Variants in ZP2 observed in about 807,000 individuals in gnomAD.
The protein encoded by ZP2 is zona pellucida sperm-binding protein 2.
A neutral mutation model predicts 84.0 loss-of-function variants in ZP2; 51 were observed. The ratio of observed to expected loss-of-function variants is 0.61; its 90% confidence interval spans 0.49 to 0.77. ZP2 has a LOEUF of 0.77. ZP2 is among the 30% of genes least tolerant of loss of function. The probability of loss-of-function intolerance (pLI) is 0.00; values close to 1 mark genes in which losing one functional copy is unlikely to be tolerated. For synonymous variants in ZP2, 375 were observed against 330.9 expected, an observed-to-expected ratio of 1.13 and a Z score of -1.45; for missense variants, 909 against 911.9, an observed-to-expected ratio of 1.00 and a Z score of 0.04.
upstream of ZP2, among the ~76,000 whole-genome samples, chr16:21,212,835 T>C (rs1323875601): frequency 6.6e-6 from 1 of 152,224 alleles, no homozygotes; most frequent in Non-Finnish European, 1.5e-5. Flanking sequence ...GCCCCAACAA[T>C]GTCAGGGACC....
chr16:21,198,972 T>C lies in ZP2; in HGVS notation c.1928-110A>G. ...TCTCTGGAGTATTTTGTTCATGTGG[T>C]TTGTCTTGCCTTTGCAGGCGAGGTT... On this transcript the variant is annotated intron_variant, in intron 16 of 18. Transcript: ENST00000574091. The C allele has an allele frequency of 2.9e-6, 3 of 1,030,328 alleles. No individual in the cohort carries two copies. The South Asian group carries it at 4.1e-5, about 14-fold the overall frequency. 63.8% of individuals were successfully genotyped at this position (1,030,328 alleles called of 1,614,324 possible). A position where few individuals can be genotyped will look rare whatever the true frequency, so the allele number is the denominator to read the frequency against.
chr16:21,203,048 C>T, intron 10 of ZP2, 77 bp downstream of exon 10: 2 of 1,535,124 alleles, frequency 1.3e-6, no homozygotes, highest in Non-Finnish European at 1.8e-6. Flanking sequence ...AGAATCTGAC[C>T]TTCTATACAT....
intron 11 of ZP2, 21 bp from the exon 12 acceptor site, chr16:21,202,044 G>A (rs2093228252): frequency 3.1e-6 from 5 of 1,613,556 alleles, no homozygotes; most frequent in Non-Finnish European, 4.2e-6. Context: ...AGAGAAAGTG[G>A]GTTAGCAGCC....
Position 21,201,836 on chromosome 16 carries a change from A to C in ZP2, c.1380-6T>G. 6.2e-7 allele frequency: 1 copy of C among 1,614,020 alleles called. No individual in the cohort carries two copies. Among genetic ancestry groups the C allele is most frequent in the Non-Finnish European group, 8.5e-7 (1 of 1,179,928 alleles). On this transcript the variant is annotated splice_region_variant and splice_polypyrimidine_tract_variant and intron_variant, in intron 12 of 18. Transcript: ENST00000574091. ...AAGAACACTTCACTGTCATTCTGTA[A>C]GAGTTTGGAGGGAAGGTAGGTACAG... is the stretch of plus-strand genomic sequence containing the variant.
At position 21,199,812 on chromosome 16, in the gene ZP2, A is replaced by G. The variant is rs970682123; in HGVS notation, c.1761T>C (p.Pro587=). ...FHPVGSSVTH[P]DHYQRFDMKA... ...TCATGTCAAACCTCTGATAGTGATC[A>G]GGATGGGTCACAGAGGAGCCGACTG... The change falls in exon 15 of 19, where the codon CCT becomes CCC. Residue 587 remains proline (P), a synonymous_variant. Coordinates refer to ENST00000574091, the MANE Select transcript of ZP2 (RefSeq NM_001376232.1). 8.7e-6 allele frequency: 14 copies of G among 1,613,796 alleles called. No individual in the cohort carries two copies. The African/African-American group carries it at 1.9e-4, about 22-fold the overall frequency.
At chr16:21,211,778 G>A, upstream of ZP2, 1 of 1,447,562 alleles carries the variant, frequency 6.9e-7, no homozygotes, top group South Asian at 1.4e-5. Context: ...AGAGTTTGCT[G>A]AAATCAGCTC....
chr16:21,201,877 A>G, intron 12 of ZP2, 47 bp from the exon 13 acceptor site: 1 of 1,612,816 alleles, frequency 6.2e-7, no homozygotes. Flanking sequence ...TTCAGGTTAA[A>G]AAATTGCTTG....
rs375240682 is a variant in ZP2, at chr16:21,205,556, A to G, written c.557T>C (p.Ile186Thr). 8.1e-6 allele frequency: 13 copies of G among 1,613,954 alleles called. No individual in the cohort carries two copies. Among genetic ancestry groups the G allele is most frequent in the East Asian group, 2.2e-5 (1 of 44,882 alleles). The change falls in exon 7 of 19, where the codon ATT (isoleucine) becomes ACT (threonine). Residue 186 changes from isoleucine to threonine, a missense_variant. Coordinates refer to ENST00000574091, the MANE Select transcript of ZP2 (RefSeq NM_001376232.1). ...GGCTCTTGCACCATCACCAACCTCA[A>G]TGCTCCATCCCATCTGAACTTTGGT... Reference protein sequence around the residue: ...KGTKVQMGWSIEVGDGARAKT... With the variant: ...KGTKVQMGWSTEVGDGARAKT...
intron 3 of ZP2, 70 bp from the exon 4 acceptor site, chr16:21,209,795 C>A: frequency 7.4e-7 from 1 of 1,346,180 alleles, no homozygotes; most frequent in South Asian, 1.2e-5. Context: ...GCTATAGAGT[C>A]AAGACCACCA....
chr16:21,202,006 G>T lies in ZP2; in HGVS notation c.1305C>A (p.Val435=), dbSNP rs768429680. 9.9e-6 allele frequency: 16 copies of T among 1,613,958 alleles called. No homozygotes were observed. The highest frequency in any genetic ancestry group is 3.3e-5 in the South Asian group (3 of 90,980). Residue 435 remains valine, a synonymous_variant, in exon 12 of 19, where the codon GTC becomes GTA. Transcript: ENST00000574091. ...GAGCATGTATTTCGTTTTCATAGAC[G>T]ACTTTATCATCTTCGAACTTAAATG... ...GTRYKFEDDK[V]VYENEIHALW...
rs1276291318 is a variant in ZP2, at chr16:21,203,173, A to T, written c.1051T>A (p.Ser351Thr). The stretch of plus-strand genomic sequence containing the variant: ...AGACACTCAGGATAGATCACCATGG[A>T]TACTGTCTCTGGCCGAAGGAGAAAG... ...LTFLLRPETV[S>T]MVIYPECLCE... is the part of the protein sequence containing the mutation. Residue 351 changes from serine (S) to threonine (T), a missense_variant, in exon 10 of 19, where the codon TCC becomes ACC. Transcript: ENST00000574091. 2 of 1,614,020 alleles carry T rather than the reference A, an allele frequency of 1.2e-6. No individual in the cohort carries two copies. The highest frequency in any genetic ancestry group is 1.7e-6 in the Non-Finnish European group (2 of 1,179,926).
In ZP2 at chr16:21,202,200, C is replaced by G; in HGVS notation, c.1191G>C (p.Arg397Ser). The G allele has an allele frequency of 1.3e-6, 2 of 1,591,686 alleles. No individual in the cohort carries two copies. Among genetic ancestry groups the G allele is most frequent in the Non-Finnish European group, 1.7e-6 (2 of 1,174,490 alleles). ...CAGGCTGGCAGGATGAGTTTCCCAC[C>G]CTCAGAGTACCCAGGTCAAGAGCTG... Reference protein sequence around the residue: ...TQPALDLGTLRVGNSSCQPVF... With the variant: ...TQPALDLGTLSVGNSSCQPVF... Residue 397 changes from arginine to serine, a missense_variant, in exon 11 of 19, where the codon AGG becomes AGC. Physicochemically the swap from Arg to Ser is moderately radical, Grantham distance 110. Transcript: ENST00000574091.
rs762084122 is a variant in ZP2, at chr16:21,203,297, CG to C, written c.973-47del. Reference sequence around the variant, plus strand: ...TTAGCAGCCACAGTCCGTTGGGGCCCGGAACCGTCACAGGGAGGCAGGAAGC... The same window carrying C: ...TTAGCAGCCACAGTCCGTTGGGGCCCGAACCGTCACAGGGAGGCAGGAAGC... On this transcript the variant is annotated intron_variant, in intron 9 of 18. Coordinates refer to ENST00000574091, the MANE Select transcript of ZP2 (RefSeq NM_001376232.1). 19 of 1,606,134 alleles carry C rather than the reference CG, an allele frequency of 1.2e-5. No homozygotes were observed. The Admixed American group carries it at 1.3e-4, about 11-fold the overall frequency.
At chr16:21,207,151 G>A (rs1046825238) in intron 4 of ZP2, among the ~76,000 whole-genome samples, 161 bp from the exon 5 acceptor site, 2 of 152,188 alleles carry the variant, frequency 1.3e-5, no homozygotes, top group Admixed American at 1.3e-4. Context: ...CTAGCCCATT[G>A]TAATCTGTTA....
At chr16:21,201,171 C>T (rs2093223063) in intron 14 of ZP2, among the ~76,000 whole-genome samples, 198 bp downstream of exon 14, 1 of 151,498 alleles carries the variant, frequency 6.6e-6, no homozygotes, top group Admixed American at 6.6e-5. Context: ...AGCACCCCAA[C>T]CTGGGTGACA....
At chr16:21,200,904 G>T (rs928216440) in intron 14 of ZP2, among the ~76,000 whole-genome samples, 2 of 152,152 alleles carry the variant, frequency 1.3e-5, no homozygotes, top group Non-Finnish European at 2.9e-5. Flanking sequence ...GAGGTGATTG[G>T]AAGGCAGCAT....
intron 10 of ZP2, 119 bp downstream of exon 10, chr16:21,203,006 C>G: frequency 8.0e-7 from 1 of 1,243,336 alleles, no homozygotes; most frequent in Non-Finnish European, 1.1e-6. Flanking sequence ...TCTGACTAGT[C>G]TTTAGTTTCT....
rs780716575 is a variant in ZP2, at chr16:21,199,802, GAT to G, written c.1769_1770del (p.Tyr590SerfsTer4). 6.2e-7 allele frequency: 1 copy of G among 1,614,016 alleles called. No homozygotes were observed. The highest frequency in any genetic ancestry group is 8.5e-7 in the Non-Finnish European group (1 of 1,180,022). ...GCAAAAGCCTTCATGTCAAACCTCT[GAT>G]AGTGATCAGGATGGGTCACAGAGGA... is the stretch of plus-strand genomic sequence containing the variant. ...VGSSVTHPDH[Y>X]QRFDMKAFAF... On this transcript the variant is annotated frameshift_variant, in exon 15 of 19. Coordinates refer to ENST00000574091, the MANE Select transcript of ZP2 (RefSeq NM_001376232.1). LOFTEE classifies it high-confidence loss of function.
chr16:21,202,056 G>A (rs370202300), intron 11 of ZP2, 33 bp from the exon 12 acceptor site: 222 of 1,613,484 alleles, frequency 1.4e-4, no homozygotes, highest in Non-Finnish European at 1.8e-4. Context: ...TTAGCAGCCA[G>A]TTATGTCAAA....
Sources: allele counts gnomAD v4.1 joint callset (sites outside exome capture counted in the v4.1 genomes callset), GRCh38; gene constraint gnomAD v4.1.1; transcripts MANE v1.5; gene names NCBI Gene and HGNC (gene_info 2026-07-23, HGNC 2026-07-21).